MSH3: variants seen among roughly 807,000 people sequenced by gnomAD.
MSH3 encodes mutS homolog 3, also known as DNA mismatch repair protein Msh3.
MSH3 carries 106 observed loss-of-function variants against 123.3 expected under a neutral mutation model. That is an observed-to-expected ratio of 0.86 (90% CI 0.73 to 1.01). MSH3 has a LOEUF of 1.01. Among genes scored for constraint, MSH3 ranks in the 50% least tolerant of loss-of-function variants. The probability of loss-of-function intolerance (pLI) is 0.00; values close to 1 mark genes in which losing one functional copy is unlikely to be tolerated. For synonymous variants in MSH3, 515 were observed against 481.4 expected (o/e 1.07, Z -0.91); for missense variants, 1,459 against 1,347.6 (o/e 1.08, Z -1.29).
intron 11 of MSH3, 42 bp downstream of exon 11, chr5:80,741,590 G>A (rs1743615714): frequency 1.4e-6 from 2 of 1,432,822 alleles, no homozygotes; most frequent in African/African-American, 1.4e-5. Flanking sequence ...AATCGTTTTG[G>A]GAAAAACTTC....
chr5:80,801,235 A>G (rs1490751623), intron 19 of MSH3, among the ~76,000 whole-genome samples: 2 of 152,178 alleles, frequency 1.3e-5, no homozygotes, highest in Non-Finnish European at 2.9e-5. Context: ...TGGCTGCCCT[A>G]TGGAGAGTGG....
intron 11 of MSH3, 67 bp downstream of exon 11, chr5:80,741,615 G>C: frequency 1.8e-6 from 2 of 1,136,912 alleles, no homozygotes; most frequent in Non-Finnish European, 2.7e-6. Context: ...TAAGGCAGCA[G>C]TCTGTTTTTA....
intron 7 of MSH3, among the ~76,000 whole-genome samples, chr5:80,677,130 A>G (rs1749858266): frequency 6.6e-6 from 1 of 152,166 alleles, no homozygotes; most frequent in Non-Finnish European, 1.5e-5. Flanking sequence ...GCCAAAATTG[A>G]TCTTATCTTC....
At chr5:80,684,764 T>G (rs1750047716) in intron 8 of MSH3, among the ~76,000 whole-genome samples, 1 of 152,170 alleles carries the variant, frequency 6.6e-6, no homozygotes, top group African/African-American at 2.4e-5. Context: ...GCTTGCAATA[T>G]TTCTCAATTC....
chr5:80,692,473 T>TAGAG (rs1321078782), intron 8 of MSH3, among the ~76,000 whole-genome samples: 1 of 55,340 alleles, frequency 1.8e-5, no homozygotes, highest in Non-Finnish European at 3.3e-5. Flanking sequence ...TGTATATGTT[T>TAGAG]AGATAGATAA....
intron 20 of MSH3, among the ~76,000 whole-genome samples, chr5:80,850,995 C>T (rs1165776802): frequency 2.0e-5 from 3 of 152,104 alleles, no homozygotes; most frequent in Non-Finnish European, 4.4e-5. Context: ...TTCTGGTGAC[C>T]TCATTTTTTA....
chr5:80,734,332 A>G (rs1387872149), intron 10 of MSH3, among the ~76,000 whole-genome samples: 1 of 152,150 alleles, frequency 6.6e-6, no homozygotes. Context: ...GCTAATGAGT[A>G]TAGAGTTTCT....
At chr5:80,694,722 G>A (rs1750429986) in intron 8 of MSH3, among the ~76,000 whole-genome samples, 1 of 151,426 alleles carries the variant, frequency 6.6e-6, no homozygotes, top group East Asian at 1.9e-4. Flanking sequence ...TTCATTTTTT[G>A]GAAGATATTT....
At chr5:80,743,127 A>T (rs1743647405) in intron 11 of MSH3, among the ~76,000 whole-genome samples, 1 of 152,088 alleles carries the variant, frequency 6.6e-6, no homozygotes, top group Admixed American at 6.6e-5. Context: ...GTCAGCAAGA[A>T]CAAGGATATA....
intron 20 of MSH3, 80 bp downstream of exon 20, chr5:80,813,821 A>T: frequency 6.8e-7 from 1 of 1,460,988 alleles, no homozygotes; most frequent in South Asian, 1.1e-5. Flanking sequence ...CCTTTTGTGT[A>T]CATATTTAGA....
At chr5:80,827,302 T>C (rs1156694473) in intron 20 of MSH3, among the ~76,000 whole-genome samples, 2 of 152,244 alleles carry the variant, frequency 1.3e-5, no homozygotes, top group Admixed American at 1.3e-4. Flanking sequence ...GCCATGCTAC[T>C]TACACAAACT....
chr5:80,858,229 A>G (rs1215028308), intron 21 of MSH3, among the ~76,000 whole-genome samples: 1 of 151,742 alleles, frequency 6.6e-6, no homozygotes, highest in Non-Finnish European at 1.5e-5. Flanking sequence ...TTTATTTTTT[A>G]TAGAGATTGG....
At chr5:80,798,424 A>ATTTC (rs764003267) in intron 19 of MSH3, among the ~76,000 whole-genome samples, 1 of 152,232 alleles carries the variant, frequency 6.6e-6, no homozygotes, top group Non-Finnish European at 1.5e-5. Context: ...TGGCCCAGAA[A>ATTTC]TACTTGCTTT....
chr5:80,735,156 G>A (rs112492444), intron 10 of MSH3, among the ~76,000 whole-genome samples: 3 of 152,022 alleles, frequency 2.0e-5, no homozygotes, highest in Admixed American at 2.0e-4. Context: ...GGGTGAGGTG[G>A]GCAGATCACC....
intron 8 of MSH3, among the ~76,000 whole-genome samples, chr5:80,711,466 G>T (rs1750855544): frequency 6.6e-6 from 1 of 152,036 alleles, no homozygotes; most frequent in African/African-American, 2.4e-5. Context: ...GTGTCTTCCT[G>T]TTGGCTCATT....
At chr5:80,865,600 A>C (rs1746085505) in intron 22 of MSH3, among the ~76,000 whole-genome samples, 1 of 152,220 alleles carries the variant, frequency 6.6e-6, no homozygotes, top group African/African-American at 2.4e-5. Flanking sequence ...TTTATGAAAA[A>C]GAACACCGTT....
chr5:80,806,606 C>T (rs1205864146), intron 19 of MSH3, among the ~76,000 whole-genome samples: 1 of 152,194 alleles, frequency 6.6e-6, no homozygotes, highest in African/African-American at 2.4e-5. Context: ...GCCAGAATCA[C>T]ACAAGCTTAT....
At chr5:80,682,634 A>G (rs778884314) in intron 8 of MSH3, among the ~76,000 whole-genome samples, 1 of 152,196 alleles carries the variant, frequency 6.6e-6, no homozygotes, top group Non-Finnish European at 1.5e-5. Flanking sequence ...GGGTTACATG[A>G]GATACTTTCA....
rs925990011 is a variant in MSH3 at position 80,876,150 on chromosome 5, A to G, written c.*288A>G. 1.2e-5 allele frequency: 4 copies of G among 342,658 alleles called. No individual in the cohort carries two copies. Among genetic ancestry groups the G allele is most frequent in the East Asian group, 4.7e-5 (1 of 21,458 alleles). The allele number at this position is 342,658 out of a possible 1,614,324, so 21.2% of individuals were successfully genotyped here. On this transcript the variant is annotated 3_prime_UTR_variant, in exon 24 of 24. Transcript: ENST00000265081. ...CTTAAGTGGCAGAATATAATTCCCA[A>G]GCTTTTGGAGGGTGATATAAAAATT... is the stretch of plus-strand genomic sequence containing the variant.
Sources: gnomAD v4.1 joint callset for allele counts (sites outside exome capture counted in the v4.1 genomes callset) on GRCh38, gnomAD v4.1.1 for gene constraint, MANE v1.5 for transcripts, NCBI Gene and HGNC (gene_info 2026-07-23, HGNC 2026-07-21) for gene names.